Variants in SOX5 observed in about 807,000 individuals in gnomAD.
SOX5 encodes transcription factor SOX-5.
In SOX5, 9 loss-of-function variants were observed where a neutral mutation model predicts 92.0. That is an observed-to-expected ratio of 0.10 (90% confidence interval 0.06 to 0.17). The LOEUF (loss-of-function observed/expected upper bound fraction) is 0.17. Among genes scored for constraint, SOX5 ranks in the 10% least tolerant of loss-of-function variants. SOX5 has a pLI of 1.00. For missense variants in SOX5, 642 were observed against 944.5 expected (o/e 0.68, Z 4.20); for synonymous variants, 344 against 336.3 (o/e 1.02, Z -0.25).
intron 2 of SOX5, among the ~76,000 whole-genome samples, chr12:24,297,752 C>T (rs574226676): frequency 3.4e-4 from 52 of 152,276 alleles, no homozygotes; most frequent in African/African-American, 1.2e-3. Flanking sequence ...GAACATTCTC[C>T]GAAGGAAAAG....
At chr12:23,625,999 G>A (rs946642027) in intron 8 of SOX5, among the ~76,000 whole-genome samples, 3 of 152,164 alleles carry the variant, frequency 2.0e-5, no homozygotes, top group East Asian at 3.9e-4. Flanking sequence ...AAAAAGAGAG[G>A]AGGAAAGTAT....
At chr12:24,115,450 A>G (rs972467688) in intron 4 of SOX5, among the ~76,000 whole-genome samples, 2 of 152,210 alleles carry the variant, frequency 1.3e-5, no homozygotes, top group Non-Finnish European at 2.9e-5. Flanking sequence ...AGTTACATGA[A>G]GATGTACCCC....
intron 2 of SOX5, among the ~76,000 whole-genome samples, chr12:23,858,130 TTTTG>T (rs997965072): frequency 1.1e-4 from 17 of 152,206 alleles, no homozygotes; most frequent in African/African-American, 2.4e-4. Flanking sequence ...TTTGTTGTTT[TTTTG>T]TTTGTTTTTT....
At chr12:23,554,956 G>A (rs1048396648) in intron 11 of SOX5, among the ~76,000 whole-genome samples, 1 of 152,068 alleles carries the variant, frequency 6.6e-6, no homozygotes, top group Admixed American at 6.6e-5. Flanking sequence ...GGAGAAGAAG[G>A]AAAGAATCAA....
intron 4 of SOX5, among the ~76,000 whole-genome samples, chr12:24,095,724 C>T (rs1299521084): frequency 1.3e-5 from 2 of 152,130 alleles, no homozygotes; most frequent in African/African-American, 2.4e-5. Context: ...GTAATTGAAT[C>T]ATGGGGCTTG....
chr12:23,597,716 G>A (rs1952704792), intron 9 of SOX5, among the ~76,000 whole-genome samples: 1 of 152,112 alleles, frequency 6.6e-6, no homozygotes, highest in African/African-American at 2.4e-5. Context: ...TTGAGTATAT[G>A]ACACATCCAT....
intron 2 of SOX5, among the ~76,000 whole-genome samples, chr12:23,859,564 C>G (rs896992259): frequency 6.6e-6 from 1 of 152,140 alleles, no homozygotes; most frequent in Admixed American, 6.6e-5. Context: ...TAATTTCACC[C>G]TTGCCTTGTG....
intron 5 of SOX5, among the ~76,000 whole-genome samples, chr12:23,740,589 G>A (rs2093759455): frequency 6.6e-6 from 1 of 151,990 alleles, no homozygotes; most frequent in South Asian, 2.1e-4. Context: ...ACTCTCCATG[G>A]TTCTTTTTTG....
intron 1 of SOX5, among the ~76,000 whole-genome samples, chr12:24,480,833 G>A (rs1032007195): frequency 2.0e-5 from 3 of 151,662 alleles, no homozygotes; most frequent in Non-Finnish European, 2.9e-5. Context: ...AAACCACTAT[G>A]GTGACCTGTT....
intron 4 of SOX5, among the ~76,000 whole-genome samples, chr12:24,102,605 C>A (rs1202918538): frequency 6.6e-6 from 1 of 152,064 alleles, no homozygotes. Flanking sequence ...AATAAAACAC[C>A]ATCAAGAAAA....
At chr12:24,325,423 T>G (rs1473426513) in intron 2 of SOX5, among the ~76,000 whole-genome samples, 2 of 152,126 alleles carry the variant, frequency 1.3e-5, no homozygotes, top group African/African-American at 2.4e-5. Context: ...CTCAGATAGT[T>G]GCATAAAGAA....
At chr12:23,684,242 G>T (rs1039672553) in intron 6 of SOX5, among the ~76,000 whole-genome samples, 1 of 151,742 alleles carries the variant, frequency 6.6e-6, no homozygotes, top group African/African-American at 2.4e-5. Flanking sequence ...ACCTAATGAC[G>T]GTTCCTTTGG....
At chr12:23,669,646 GAAAAAAAAAA>G (rs2084422541) in intron 6 of SOX5, among the ~76,000 whole-genome samples, 1 of 41,660 alleles carries the variant, frequency 2.4e-5, no homozygotes, top group African/African-American at 8.2e-5. Flanking sequence ...TGGATGAGGA[GAAAAAAAAAA>G]GAAAAGAAAT....
chr12:24,162,764 A>T (rs11047290), intron 4 of SOX5, among the ~76,000 whole-genome samples: 62,743 of 151,738 alleles, frequency 0.41, 13,797 homozygotes, highest in East Asian at 0.84. Context: ...TGGGTTACCT[A>T]TTTTGTCCTG....
At chr12:23,765,351 A>G (rs951091233) in intron 3 of SOX5, among the ~76,000 whole-genome samples, 1 of 132,036 alleles carries the variant, frequency 7.6e-6, no homozygotes, top group Admixed American at 8.5e-5. Context: ...TGTGTTAGCT[A>G]TGATGTTGCT....
At chr12:23,912,237 C>T (rs2138439681) in intron 1 of SOX5, among the ~76,000 whole-genome samples, 1 of 152,140 alleles carries the variant, frequency 6.6e-6, no homozygotes, top group East Asian at 1.9e-4. Flanking sequence ...GATCAGTAAG[C>T]ACATAAGAAG....
rs1319755271 is a variant in SOX5, at chr12:24,545,027, T to C, written c.-251+17302A>G. Among the ~76,000 whole-genome samples, 4 of 152,200 alleles carry C rather than the reference T, an allele frequency of 2.6e-5. No individual in the cohort carries two copies. In the East Asian group the frequency reaches 5.8e-4, roughly 22 times the overall value. ...ATATATTTTTTATTGACGGTTTATATACATGATCAGAAAAATTAGGAGAGC... is the reference window on the plus strand; with the variant it reads ...ATATATTTTTTATTGACGGTTTATACACATGATCAGAAAAATTAGGAGAGC... On this transcript the variant is annotated intron_variant, in intron 1 of 4. Transcript: ENST00000446891.
intron 3 of SOX5, among the ~76,000 whole-genome samples, chr12:23,764,387 A>C (rs2094648006): frequency 6.6e-6 from 1 of 152,094 alleles, no homozygotes; most frequent in African/African-American, 2.4e-5. Context: ...TAAGCTATAC[A>C]TTATGTCATA....
chr12:23,905,794 T>C (rs1388549585), intron 1 of SOX5, among the ~76,000 whole-genome samples: 1 of 152,124 alleles, frequency 6.6e-6, no homozygotes, highest in Non-Finnish European at 1.5e-5. Flanking sequence ...TTGAAAAAAA[T>C]TATCAATACT....
Sources: allele counts gnomAD v4.1 joint callset (sites outside exome capture counted in the v4.1 genomes callset), GRCh38; gene constraint gnomAD v4.1.1; transcripts MANE v1.5; gene names NCBI Gene and HGNC (gene_info 2026-07-23, HGNC 2026-07-21).